The following ZMAT4 variants were observed in gnomAD, a reference collection of about 807,000 sequenced individuals.
The protein encoded by ZMAT4 is zinc finger matrin-type protein 4.
Under a neutral mutation model 28.7 loss-of-function variants are expected in ZMAT4, and 17 were observed. The ratio of observed to expected loss-of-function variants is 0.59; its 90% confidence interval spans 0.41 to 0.89. The LOEUF (loss-of-function observed/expected upper bound fraction) is 0.89, where lower values mean the gene tolerates loss of function less well. Ranked by LOEUF, ZMAT4 falls within the 40% of genes least tolerant of loss-of-function variation. The pLI, the probability that ZMAT4 is intolerant of heterozygous loss-of-function variation, is 0.00. For missense variants in ZMAT4, 240 were observed against 283.8 expected, an observed-to-expected ratio of 0.85 and a Z score of 1.11; for synonymous variants, 117 against 109.2, an observed-to-expected ratio of 1.07 and a Z score of -0.44.
Position 40,606,939 on chromosome 8 carries a change from A to G in ZMAT4, c.578-25678T>C, listed in dbSNP as rs191877580. Among the ~76,000 whole-genome samples the G allele has an allele frequency of 2.6e-5, 4 of 152,118 alleles. No homozygotes were observed. In the East Asian group the frequency reaches 7.7e-4, roughly 29 times the overall value. ...TTCTTTGTCTTTGTTGGATTGGGTT[A>G]ATTTGAAAACTTTGTCTTCAAGCTC... On this transcript the variant is annotated intron_variant, in intron 5 of 6. Coordinates refer to ENST00000297737, the MANE Select transcript of ZMAT4 (RefSeq NM_024645.3).
intron 3 of ZMAT4, among the ~76,000 whole-genome samples, chr8:40,704,507 C>A (rs534687654): frequency 6.6e-6 from 1 of 152,212 alleles, no homozygotes; most frequent in African/African-American, 2.4e-5. Context: ...AACATCCTTG[C>A]CATACATTTT....
At chr8:40,833,592 T>C (rs1438110680) in intron 1 of ZMAT4, among the ~76,000 whole-genome samples, 2 of 145,084 alleles carry the variant, frequency 1.4e-5, no homozygotes, top group African/African-American at 2.6e-5. Context: ...CATAAAATCA[T>C]GCCAGAGAAA....
intron 4 of ZMAT4, among the ~76,000 whole-genome samples, chr8:40,696,825 A>G (rs932308151): frequency 2.0e-5 from 3 of 151,896 alleles, no homozygotes. Flanking sequence ...CTGCCAAGGT[A>G]AAAAAAAGGA....
At chr8:40,646,839 T>C (rs1807341149) in intron 5 of ZMAT4, among the ~76,000 whole-genome samples, 1 of 152,146 alleles carries the variant, frequency 6.6e-6, no homozygotes, top group Non-Finnish European at 1.5e-5. Context: ...AACAACATGA[T>C]AAACCAAGTA....
chr8:40,859,938 G>A (rs540850742), intron 1 of ZMAT4, among the ~76,000 whole-genome samples: 2 of 152,296 alleles, frequency 1.3e-5, no homozygotes, highest in Non-Finnish European at 2.9e-5. Flanking sequence ...AGATGTCGAG[G>A]TTAGGCTGAA....
chr8:40,609,990 A>G (rs1311764009), intron 5 of ZMAT4, among the ~76,000 whole-genome samples: 1 of 152,236 alleles, frequency 6.6e-6, no homozygotes, highest in Admixed American at 6.5e-5. Context: ...GTAAGACAGC[A>G]TCTTTGATCT....
intron 2 of ZMAT4, among the ~76,000 whole-genome samples, chr8:40,794,161 T>G (rs1158395183): frequency 6.6e-6 from 1 of 152,194 alleles, no homozygotes; most frequent in East Asian, 1.9e-4. Flanking sequence ...TGCATTAGTG[T>G]TGATGCATAA....
chr8:40,731,523 A>T (rs1255073850), intron 3 of ZMAT4, among the ~76,000 whole-genome samples: 1 of 152,176 alleles, frequency 6.6e-6, no homozygotes, highest in African/African-American at 2.4e-5. Flanking sequence ...GACTCAAATT[A>T]TCAACAAAAA....
chr8:40,571,621 T>A (rs1804102425), intron 6 of ZMAT4, among the ~76,000 whole-genome samples: 1 of 152,124 alleles, frequency 6.6e-6, no homozygotes, highest in African/African-American at 2.4e-5. Context: ...TAGAAAGACT[T>A]GATGACACAC....
chr8:40,545,538 T>C (rs1019486739), intron 6 of ZMAT4, among the ~76,000 whole-genome samples: 3 of 152,106 alleles, frequency 2.0e-5, no homozygotes, highest in Non-Finnish European at 4.4e-5. Context: ...TAGAGTAGGG[T>C]GACTCCTAAC....
chr8:40,843,827 G>A (rs1170867311), intron 1 of ZMAT4, among the ~76,000 whole-genome samples: 1 of 152,220 alleles, frequency 6.6e-6, no homozygotes, highest in African/African-American at 2.4e-5. Flanking sequence ...AATCAGTTGA[G>A]TGGGTTTGAT....
At chr8:40,564,707 T>C (rs1326703398) in intron 6 of ZMAT4, among the ~76,000 whole-genome samples, 1 of 152,196 alleles carries the variant, frequency 6.6e-6, no homozygotes, top group Non-Finnish European at 1.5e-5. Context: ...ATTAGTAGAG[T>C]ACATTTTGGA....
At chr8:40,812,980 TAAATTA>T (rs1815387019) in intron 2 of ZMAT4, among the ~76,000 whole-genome samples, 1 of 124,310 alleles carries the variant, frequency 8.0e-6, no homozygotes, top group Non-Finnish European at 1.8e-5. Flanking sequence ...TAAATTAAAT[TAAATTA>T]AAAAATAAAA....
intron 6 of ZMAT4, among the ~76,000 whole-genome samples, chr8:40,556,515 T>G (rs1370497645): frequency 6.6e-6 from 1 of 152,164 alleles, no homozygotes; most frequent in East Asian, 1.9e-4. Context: ...ATAAATCTCT[T>G]GTCCCGTTCT....
At chr8:40,800,889 T>C (rs1437663595) in intron 2 of ZMAT4, among the ~76,000 whole-genome samples, 1 of 151,710 alleles carries the variant, frequency 6.6e-6, no homozygotes, top group African/African-American at 2.4e-5. Context: ...TGAAAATAAA[T>C]AAAATTAGAA....
intron 5 of ZMAT4, among the ~76,000 whole-genome samples, chr8:40,607,806 A>T (rs1805650461): frequency 6.6e-6 from 1 of 151,966 alleles, no homozygotes; most frequent in African/African-American, 2.4e-5. Flanking sequence ...TCTCTCCTAG[A>T]TCTAGTCACC....
chr8:40,722,574 A>G (rs553781155), intron 3 of ZMAT4, among the ~76,000 whole-genome samples: 49 of 152,282 alleles, frequency 3.2e-4, no homozygotes, highest in Admixed American at 1.5e-3. Context: ...GCCATCAAAT[A>G]TGATAAAGTC....
At chr8:40,726,135 A>C (rs1464276638) in intron 3 of ZMAT4, among the ~76,000 whole-genome samples, 1 of 152,212 alleles carries the variant, frequency 6.6e-6, no homozygotes, top group Non-Finnish European at 1.5e-5. Flanking sequence ...AGAATTAAAG[A>C]CTTTTCCATT....
At chr8:40,895,240 G>T (rs1274539872) in intron 1 of ZMAT4, among the ~76,000 whole-genome samples, 1 of 152,224 alleles carries the variant, frequency 6.6e-6, no homozygotes, top group African/African-American at 2.4e-5. Context: ...CCTGGCCAAA[G>T]CCATCATGTT....
Sources: gnomAD v4.1 joint callset for allele counts (sites outside exome capture counted in the v4.1 genomes callset) on GRCh38, gnomAD v4.1.1 for gene constraint, MANE v1.5 for transcripts, NCBI Gene and HGNC (gene_info 2026-07-23, HGNC 2026-07-21) for gene names.